The following PLXNA4 variants were observed in gnomAD, a reference collection of about 807,000 sequenced individuals.
PLXNA4 encodes plexin A4, also known as plexin-A4.
In PLXNA4, 44 loss-of-function variants were observed where a neutral mutation model predicts 191.8. The observed-to-expected ratio is 0.23, with a 90% CI of 0.18 to 0.29. The LOEUF (loss-of-function observed/expected upper bound fraction) is 0.29. Among genes scored for constraint, PLXNA4 ranks in the 10% least tolerant of loss-of-function variants. The pLI, the probability that PLXNA4 is intolerant of heterozygous loss-of-function variation, is 1.00. For synonymous variants in PLXNA4, 1,082 were observed against 1,009.5 expected, an observed-to-expected ratio of 1.07 and a Z score of -1.36; for missense variants, 1,800 against 2,488.8, an observed-to-expected ratio of 0.72 and a Z score of 5.89.
intron 5 of PLXNA4, among the ~76,000 whole-genome samples, chr7:132,239,213 G>T (rs1475298774): frequency 6.6e-6 from 1 of 152,172 alleles, no homozygotes; most frequent in East Asian, 1.9e-4. Context: ...AGGGTAAACT[G>T]AGGCCATAAA....
chr7:132,392,721 G>A (rs1475461568), intron 3 of PLXNA4, among the ~76,000 whole-genome samples: 3 of 152,240 alleles, frequency 2.0e-5, no homozygotes, highest in African/African-American at 4.8e-5. Flanking sequence ...AGGTTGTCCT[G>A]GGGAGGATGG....
chr7:132,500,784 T>C (rs1408572976), intron 2 of PLXNA4, among the ~76,000 whole-genome samples: 1 of 152,182 alleles, frequency 6.6e-6, no homozygotes, highest in African/African-American at 2.4e-5. Context: ...TCTCTTTCCT[T>C]AGGAGCTTCC....
At chr7:132,309,054 C>T (rs890168281) in intron 3 of PLXNA4, among the ~76,000 whole-genome samples, 2 of 152,110 alleles carry the variant, frequency 1.3e-5, no homozygotes, top group African/African-American at 4.8e-5. Context: ...GGAACCAGGA[C>T]TAAAGAGTCT....
intron 3 of PLXNA4, among the ~76,000 whole-genome samples, chr7:132,406,695 A>AT (rs1430625497): frequency 6.6e-6 from 1 of 152,194 alleles, no homozygotes; most frequent in Non-Finnish European, 1.5e-5. Flanking sequence ...TTAAAAGAGC[A>AT]TGACCCAGGG....
intron 30 of PLXNA4, among the ~76,000 whole-genome samples, chr7:132,139,786 A>T (rs979406183): frequency 1.3e-5 from 2 of 152,246 alleles, no homozygotes; most frequent in African/African-American, 4.8e-5. Flanking sequence ...CATCTTGGGC[A>T]GATTACTTAG....
chr7:132,533,516 A>T (rs1458072580), intron 1 of PLXNA4, among the ~76,000 whole-genome samples: 1 of 152,222 alleles, frequency 6.6e-6, no homozygotes, highest in Non-Finnish European at 1.5e-5. Flanking sequence ...TCCCATCCAC[A>T]TCAGGACTCC....
At chr7:132,440,027 ATC>A (rs1467213481) in intron 3 of PLXNA4, among the ~76,000 whole-genome samples, 1 of 150,030 alleles carries the variant, frequency 6.7e-6, no homozygotes, top group East Asian at 1.9e-4. Flanking sequence ...TGTGTGTGTG[ATC>A]TGTGTGGGCT....
chr7:132,579,755 T>C (rs539332556), upstream of PLXNA4, among the ~76,000 whole-genome samples: 3 of 151,788 alleles, frequency 2.0e-5, no homozygotes, highest in South Asian at 2.1e-4. Flanking sequence ...CCAGGGGCCA[T>C]ATCTCAAATT....
At chr7:132,547,620 A>C (rs1238825180) in intron 1 of PLXNA4, among the ~76,000 whole-genome samples, 1 of 151,984 alleles carries the variant, frequency 6.6e-6, no homozygotes, top group Non-Finnish European at 1.5e-5. Context: ...TATTCCAGGG[A>C]TTCCAACTCT....
rs10215786 is a variant in PLXNA4 at position 132,629,740 on chromosome 7, T to G, written c.-87+16188A>C. The stretch of plus-strand genomic sequence containing the variant: ...AACTAAGATCAGCATTCTGGCCAAC[T>G]TGATTTTCAGTAAGGGCTCTTTTCC... On this transcript the variant is annotated intron_variant, in intron 2 of 4. Transcript: ENST00000378539. Among the ~76,000 whole-genome samples the G allele has an allele frequency of 9.5e-4, 145 of 152,356 alleles. 1 individual carries two copies. Among genetic ancestry groups the G allele is most frequent in the African/African-American group, 3.2e-3 (135 of 41,590 alleles).
At chr7:132,131,040 C>T (rs953981350) in intron 31 of PLXNA4, among the ~76,000 whole-genome samples, 1 of 152,136 alleles carries the variant, frequency 6.6e-6, no homozygotes. Flanking sequence ...TCCATCAGCT[C>T]CTTGAGGCCC....
intron 4 of PLXNA4, among the ~76,000 whole-genome samples, chr7:132,292,211 T>A (rs1403630265): frequency 6.6e-6 from 1 of 152,186 alleles, no homozygotes; most frequent in East Asian, 1.9e-4. Context: ...GCAAAATATT[T>A]CCCCTGACTG....
At chr7:132,412,607 G>A (rs1451609686) in intron 3 of PLXNA4, among the ~76,000 whole-genome samples, 2 of 152,208 alleles carry the variant, frequency 1.3e-5, no homozygotes, top group South Asian at 2.1e-4. Flanking sequence ...CCTTGGAGGC[G>A]ATTATGAGGC....
intron 20 of PLXNA4, 60 bp downstream of exon 20, chr7:132,179,627 T>A (rs534813044): frequency 6.3e-4 from 995 of 1,577,928 alleles, no homozygotes; most frequent in Non-Finnish European, 8.2e-4. Context: ...CAGATGTGCA[T>A]GCACACACAT....
At position 132,547,958 on chromosome 7, in the gene PLXNA4, G is replaced by A. The variant is rs79163580; in HGVS notation, c.-87+28464C>T. Among the ~76,000 whole-genome samples the A allele has an allele frequency of 6.0e-3, 918 of 152,240 alleles. 9 individuals carry two copies. Among genetic ancestry groups the A allele is most frequent in the African/African-American group, 0.02 (851 of 41,532 alleles). ...ATTAGGACAGAAAGCCTTCAGTGAC[G>A]CACACACAGGCCCTGGGGAGTCTGA... On this transcript the variant is annotated intron_variant, in intron 1 of 31. Coordinates refer to ENST00000321063, the MANE Select transcript of PLXNA4 (RefSeq NM_020911.2).
At chr7:132,375,409 A>ACC (rs1331284775) in intron 3 of PLXNA4, among the ~76,000 whole-genome samples, 1 of 152,134 alleles carries the variant, frequency 6.6e-6, no homozygotes, top group East Asian at 1.9e-4. Flanking sequence ...GAATAATGCC[A>ACC]CATGGACTTG....
At chr7:132,504,519 G>C (rs1304206929) in intron 2 of PLXNA4, among the ~76,000 whole-genome samples, 1 of 152,174 alleles carries the variant, frequency 6.6e-6, no homozygotes, top group African/African-American at 2.4e-5. Flanking sequence ...TAGAGAGCTG[G>C]TACAGCCTGG....
At chr7:132,223,485 C>T in intron 9 of PLXNA4, 42 bp downstream of exon 9, 2 of 1,521,336 alleles carry the variant, frequency 1.3e-6, no homozygotes, top group Non-Finnish European at 1.8e-6. Context: ...GTCCCATGCT[C>T]ACAACAAGAG....
chr7:132,204,670 G>A (rs1797554084), intron 10 of PLXNA4, among the ~76,000 whole-genome samples: 3 of 152,192 alleles, frequency 2.0e-5, no homozygotes. Context: ...GCACCTTCAT[G>A]GACAGGGAGG....
Sources: allele counts gnomAD v4.1 joint callset (sites outside exome capture counted in the v4.1 genomes callset), GRCh38; gene constraint gnomAD v4.1.1; transcripts MANE v1.5; gene names NCBI Gene and HGNC (gene_info 2026-07-23, HGNC 2026-07-21).